TRIO: variants seen among roughly 807,000 people sequenced by gnomAD.
TRIO encodes the protein triple functional domain protein.
A neutral mutation model predicts 351.9 loss-of-function variants in TRIO; 58 were observed. That is an observed-to-expected ratio of 0.16 (90% CI 0.13 to 0.21). The LOEUF is 0.21. Ranked by LOEUF, TRIO falls within the 10% of genes least tolerant of loss-of-function variation. The pLI is 1.00. For synonymous variants in TRIO, 1,758 were observed against 1,595.7 expected, an observed-to-expected ratio of 1.10 and a Z score of -2.42; for missense variants, 3,201 against 4,027.8, an observed-to-expected ratio of 0.79 and a Z score of 5.56.
At chr5:14,150,486 C>A (rs957000288) in intron 1 of TRIO, among the ~76,000 whole-genome samples, 2 of 151,446 alleles carry the variant, frequency 1.3e-5, no homozygotes, top group South Asian at 2.1e-4. Context: ...AAAAAAAGGC[C>A]AATAATAAAC....
At position 14,401,068 on chromosome 5, in the gene TRIO, C is replaced by G; in HGVS notation, c.4716+4C>G. On this transcript the variant is annotated splice_donor_region_variant and intron_variant, in intron 31 of 56. Coordinates refer to ENST00000344204, the MANE Select transcript of TRIO (RefSeq NM_007118.4). The stretch of plus-strand genomic sequence containing the variant: ...AGATAATAAAATTGTCCTTAAGGTA[C>G]GTTCATTTGAAGCTGGGAATGTGCT... 6.2e-7 allele frequency: 1 copy of G among 1,611,940 alleles called. No homozygotes were observed. The highest frequency in any genetic ancestry group is 8.5e-7 in the Non-Finnish European group (1 of 1,178,632).
intron 1 of TRIO, among the ~76,000 whole-genome samples, chr5:14,191,171 T>C (rs565250612): frequency 6.6e-6 from 1 of 152,192 alleles, no homozygotes; most frequent in Non-Finnish European, 1.5e-5. Context: ...TCAAGGCTGA[T>C]ATATTAAAGT....
chr5:14,449,797 C>T (rs1447105648), intron 34 of TRIO, among the ~76,000 whole-genome samples: 1 of 152,186 alleles, frequency 6.6e-6, no homozygotes, highest in Non-Finnish European at 1.5e-5. Flanking sequence ...TTTACACTTT[C>T]ACTTTGGCAA....
At chr5:14,442,023 G>A (rs1416409132) in intron 34 of TRIO, among the ~76,000 whole-genome samples, 1 of 152,212 alleles carries the variant, frequency 6.6e-6, no homozygotes, top group Non-Finnish European at 1.5e-5. Flanking sequence ...GAGACAAGGT[G>A]AGGGGAGTTG....
At chr5:14,380,871 G>A (rs1746041959) in intron 20 of TRIO, among the ~76,000 whole-genome samples, 1 of 152,138 alleles carries the variant, frequency 6.6e-6, no homozygotes, top group Admixed American at 6.5e-5. Context: ...TATACACCAT[G>A]GAATACTAAG....
intron 1 of TRIO, among the ~76,000 whole-genome samples, chr5:14,155,054 C>T (rs1788031122): frequency 3.9e-5 from 6 of 152,110 alleles, no homozygotes; most frequent in Admixed American, 3.9e-4. Context: ...TGTGATTTTG[C>T]TGTGTAGTTT....
At chr5:14,287,871 A>G (rs1190394757) in intron 4 of TRIO, among the ~76,000 whole-genome samples, 4 of 152,208 alleles carry the variant, frequency 2.6e-5, no homozygotes, top group African/African-American at 9.7e-5. Context: ...GTTTCAGTGG[A>G]TGTATTCATG....
At chr5:14,144,795 C>G (rs987158468) in intron 1 of TRIO, among the ~76,000 whole-genome samples, 1 of 151,792 alleles carries the variant, frequency 6.6e-6, no homozygotes, top group African/African-American at 2.4e-5. Flanking sequence ...CGCCTCCTCC[C>G]GCTCCGGCCC....
intron 53 of TRIO, among the ~76,000 whole-genome samples, chr5:14,501,325 A>G (rs142498292): frequency 3.2e-3 from 495 of 152,336 alleles, no homozygotes; most frequent in Admixed American, 6.8e-3. Context: ...AGACTGCAGA[A>G]CAAAACGTAG....
In TRIO at chr5:14,342,693, C is replaced by T. The variant is rs141913580; in HGVS notation, c.2046+5966C>T. Among the ~76,000 whole-genome samples the T allele has an allele frequency of 5.7e-3, 872 of 152,288 alleles. 13 individuals are homozygous for T. The highest frequency in any genetic ancestry group is 0.02 in the African/African-American group (818 of 41,566). On this transcript the variant is annotated intron_variant, in intron 11 of 56. Transcript: ENST00000344204. Reference sequence around the variant, plus strand: ...CTTCCAAGCCTTGCCTTTTGGCCTTCCTGGAAGTATTTTTGTTGATGAGTC... The same window carrying T: ...CTTCCAAGCCTTGCCTTTTGGCCTTTCTGGAAGTATTTTTGTTGATGAGTC...
chr5:14,408,782 T>A (rs1381470035), intron 33 of TRIO, among the ~76,000 whole-genome samples: 1 of 152,176 alleles, frequency 6.6e-6, no homozygotes, highest in East Asian at 1.9e-4. Flanking sequence ...GAGATCACCG[T>A]CAAGCCCCAA....
At chr5:14,213,152 T>G (rs1397089125) in intron 1 of TRIO, among the ~76,000 whole-genome samples, 7 of 152,174 alleles carry the variant, frequency 4.6e-5, no homozygotes, top group Non-Finnish European at 1.0e-4. Flanking sequence ...GCTTTGCACT[T>G]AGAGCGCAGA....
At chr5:14,317,231 C>T (rs1739452705) in intron 9 of TRIO, among the ~76,000 whole-genome samples, 1 of 152,150 alleles carries the variant, frequency 6.6e-6, no homozygotes, top group Non-Finnish European at 1.5e-5. Context: ...AAGCAGTTGC[C>T]ATCTCTTTTG....
At chr5:14,270,696 T>C in intron 1 of TRIO, 129 bp from the exon 2 acceptor site, 1 of 710,112 alleles carries the variant, frequency 1.4e-6, no homozygotes, top group Admixed American at 2.5e-5. Flanking sequence ...TGTTGTGCTA[T>C]GATCATGTTT....
At chr5:14,305,374 C>T (rs1738269647) in intron 8 of TRIO, among the ~76,000 whole-genome samples, 1 of 152,168 alleles carries the variant, frequency 6.6e-6, no homozygotes, top group Non-Finnish European at 1.5e-5. Flanking sequence ...GACCAGCCTA[C>T]CTTTGTGATA....
At chr5:14,413,879 GTATT>G (rs1749412521) in intron 33 of TRIO, among the ~76,000 whole-genome samples, 3 of 152,210 alleles carry the variant, frequency 2.0e-5, no homozygotes, top group Admixed American at 2.0e-4. Flanking sequence ...CTCGAAGCAG[GTATT>G]TATTCTGATT....
At chr5:14,390,574 C>A in intron 26 of TRIO, 1 of 539,986 alleles carries the variant, frequency 1.9e-6, no homozygotes, top group Non-Finnish European at 3.3e-6. Flanking sequence ...AGTTCCCAGT[C>A]CTTCTGGGGG....
chr5:14,291,634 C>T (rs1212495241), intron 5 of TRIO, among the ~76,000 whole-genome samples: 5 of 151,316 alleles, frequency 3.3e-5, no homozygotes, highest in African/African-American at 9.7e-5. Context: ...ACTAAAAATA[C>T]GAAAATTAGC....
intron 11 of TRIO, among the ~76,000 whole-genome samples, chr5:14,356,734 A>G (rs1260011967): frequency 6.6e-6 from 1 of 152,254 alleles, no homozygotes; most frequent in Non-Finnish European, 1.5e-5. Flanking sequence ...GCCCACCAGC[A>G]GATGAAGGGA....
Sources: allele counts gnomAD v4.1 joint callset (sites outside exome capture counted in the v4.1 genomes callset), GRCh38; gene constraint gnomAD v4.1.1; transcripts MANE v1.5; gene names NCBI Gene and HGNC (gene_info 2026-07-23, HGNC 2026-07-21).